ST6GALNAC3: variants seen among roughly 807,000 people sequenced by gnomAD.
ST6GALNAC3 encodes ST6 N-acetylgalactosaminide alpha-2,6-sialyltransferase 3.
A neutral mutation model predicts 32.7 loss-of-function variants in ST6GALNAC3; 25 were observed. The ratio of observed to expected loss-of-function variants is 0.76; its 90% CI spans 0.56 to 1.07. The LOEUF is 1.07. ST6GALNAC3 is among the 50% of genes least tolerant of loss of function. ST6GALNAC3 has a pLI of 0.00. For missense variants in ST6GALNAC3, 355 were observed against 382.4 expected (o/e 0.93, Z 0.60); for synonymous variants, 129 against 133.1 (o/e 0.97, Z 0.21).
At chr1:76,141,087 A>T (rs1226329096) in intron 1 of ST6GALNAC3, among the ~76,000 whole-genome samples, 1 of 152,142 alleles carries the variant, frequency 6.6e-6, no homozygotes, top group African/African-American at 2.4e-5. Context: ...TCCATGCACC[A>T]TGCTGGGATG....
intron 3 of ST6GALNAC3, among the ~76,000 whole-genome samples, chr1:76,598,368 T>C (rs750286017): frequency 5.1e-4 from 77 of 152,162 alleles, no homozygotes; most frequent in Non-Finnish European, 9.4e-4. Context: ...AGGGATCCCA[T>C]GCACTTATGT....
downstream of ST6GALNAC3, chr1:76,637,265 C>A (rs559601354): frequency 2.6e-5 from 4 of 152,246 alleles, no homozygotes; most frequent in African/African-American, 9.6e-5. Context: ...ACAACATATA[C>A]AATCAGATTT....
chr1:76,302,906 G>A (rs1409693129), intron 1 of ST6GALNAC3, among the ~76,000 whole-genome samples: 3 of 151,920 alleles, frequency 2.0e-5, no homozygotes, highest in Admixed American at 2.0e-4. Flanking sequence ...CACAGGGTGG[G>A]AGTGGCCAGA....
intron 1 of ST6GALNAC3, among the ~76,000 whole-genome samples, chr1:76,087,551 C>T (rs1646981159): frequency 6.6e-6 from 1 of 152,090 alleles, no homozygotes; most frequent in African/African-American, 2.4e-5. Flanking sequence ...GTAACAATAG[C>T]TTACATTTAC....
chr1:76,159,407 C>A (rs1651673971), intron 1 of ST6GALNAC3, among the ~76,000 whole-genome samples: 1 of 152,150 alleles, frequency 6.6e-6, no homozygotes, highest in African/African-American at 2.4e-5. Flanking sequence ...TGGTCTCGAA[C>A]TCCTAGCCTC....
chr1:76,557,765 C>A (rs1665012067), intron 3 of ST6GALNAC3, among the ~76,000 whole-genome samples: 2 of 152,050 alleles, frequency 1.3e-5, no homozygotes, highest in Admixed American at 6.6e-5. Context: ...CTATGAATAG[C>A]CTTTGCATCC....
At chr1:76,418,926 T>C (rs1211033186) in intron 3 of ST6GALNAC3, among the ~76,000 whole-genome samples, 1 of 149,274 alleles carries the variant, frequency 6.7e-6, no homozygotes, top group Admixed American at 6.6e-5. Flanking sequence ...GCGCTGGAAA[T>C]TAAAAATTCA....
chr1:76,615,082 G>A (rs1179445780), intron 3 of ST6GALNAC3, among the ~76,000 whole-genome samples: 1 of 152,068 alleles, frequency 6.6e-6, no homozygotes, highest in African/African-American at 2.4e-5. Flanking sequence ...GATGCAGGGG[G>A]CTAGAATATT....
At chr1:76,492,476 A>G (rs1660560107) in intron 3 of ST6GALNAC3, among the ~76,000 whole-genome samples, 1 of 152,198 alleles carries the variant, frequency 6.6e-6, no homozygotes, top group Non-Finnish European at 1.5e-5. Flanking sequence ...TGTGATAATA[A>G]AAGCTTAACG....
At chr1:76,429,065 CAATT>C (rs921581623) in intron 3 of ST6GALNAC3, among the ~76,000 whole-genome samples, 2 of 151,982 alleles carry the variant, frequency 1.3e-5, no homozygotes, top group African/African-American at 4.8e-5. Context: ...TTAAAAATAA[CAATT>C]AGTCCTTCCT....
Position 76,338,183 on chromosome 1 carries a change from T to C in ST6GALNAC3, c.213+24184T>C, listed in dbSNP as rs149881571. Among the ~76,000 whole-genome samples, 346 of 152,342 alleles carry C rather than the reference T, an allele frequency of 2.3e-3. 1 individual carries two copies. The highest frequency in any genetic ancestry group is 8.1e-3 in the African/African-American group (337 of 41,580). ...GAAAGTATTACTCTTCTAGGATTAA[T>C]ATATTTAACAAAAAGTCTGCCAGGA... On this transcript the variant is annotated intron_variant, in intron 2 of 4. Coordinates refer to ENST00000328299, the MANE Select transcript of ST6GALNAC3 (RefSeq NM_152996.4).
intron 3 of ST6GALNAC3, among the ~76,000 whole-genome samples, chr1:76,616,314 A>G (rs1648289190): frequency 6.6e-6 from 1 of 152,200 alleles, no homozygotes; most frequent in African/African-American, 2.4e-5. Context: ...AGAGAGAAAA[A>G]CAGATTTTTT....
chr1:76,576,380 T>A (rs1187226771), intron 3 of ST6GALNAC3, among the ~76,000 whole-genome samples: 1 of 152,054 alleles, frequency 6.6e-6, no homozygotes, highest in Non-Finnish European at 1.5e-5. Flanking sequence ...TGTTACAAAA[T>A]GTCCAAAATG....
intron 2 of ST6GALNAC3, among the ~76,000 whole-genome samples, chr1:76,395,511 G>A (rs1652883235): frequency 6.6e-6 from 1 of 152,118 alleles, no homozygotes; most frequent in African/African-American, 2.4e-5. Flanking sequence ...GCACCACAAT[G>A]CACAATAGCA....
intron 3 of ST6GALNAC3, among the ~76,000 whole-genome samples, chr1:76,500,879 A>G (rs1247537986): frequency 6.6e-6 from 1 of 152,210 alleles, no homozygotes; most frequent in Non-Finnish European, 1.5e-5. Flanking sequence ...GTAAAAGGAC[A>G]GATTGTAGAA....
At chr1:76,574,507 T>C (rs1274491184) in intron 3 of ST6GALNAC3, among the ~76,000 whole-genome samples, 1 of 145,936 alleles carries the variant, frequency 6.9e-6, no homozygotes, top group Non-Finnish European at 1.5e-5. Context: ...CTTTTTGAAA[T>C]CTTCAGGCAC....
intron 1 of ST6GALNAC3, among the ~76,000 whole-genome samples, chr1:76,117,772 G>A (rs1250411422): frequency 2.6e-5 from 4 of 152,154 alleles, no homozygotes; most frequent in African/African-American, 4.8e-5. Context: ...AAGCAGTGTA[G>A]TATATGGGAT....
chr1:76,497,117 C>T (rs1660897982), intron 3 of ST6GALNAC3, among the ~76,000 whole-genome samples: 1 of 152,072 alleles, frequency 6.6e-6, no homozygotes, highest in African/African-American at 2.4e-5. Flanking sequence ...GTATTAATAA[C>T]CCTAATTTGG....
intron 3 of ST6GALNAC3, among the ~76,000 whole-genome samples, chr1:76,458,489 T>C (rs1658016104): frequency 7.8e-6 from 1 of 128,354 alleles, no homozygotes. Context: ...CCAACCCAAA[T>C]GTCCAACAAT....
Sources: gnomAD v4.1 joint callset for allele counts (sites outside exome capture counted in the v4.1 genomes callset) on GRCh38, gnomAD v4.1.1 for gene constraint, MANE v1.5 for transcripts, NCBI Gene and HGNC (gene_info 2026-07-23, HGNC 2026-07-21) for gene names.